Variants in P2RX7 observed in about 807,000 individuals in gnomAD.
P2RX7 encodes the protein purinergic receptor P2X 7, also known as P2X purinoceptor 7.
In P2RX7, 62 loss-of-function variants were observed where a neutral mutation model predicts 71.6. The ratio of observed to expected loss-of-function variants is 0.87; its 90% CI spans 0.71 to 1.07. The LOEUF is 1.07. P2RX7 is among the 50% of genes least tolerant of loss of function. The pLI is 0.00. For synonymous variants in P2RX7, 299 were observed against 283.3 expected (o/e 1.06, Z -0.56); for missense variants, 686 against 748.5 (o/e 0.92, Z 0.97).
intron 5 of P2RX7, among the ~76,000 whole-genome samples, chr12:121,164,500 G>C (rs747291518): frequency 7.9e-5 from 12 of 152,314 alleles, no homozygotes; most frequent in Non-Finnish European, 1.6e-4. Flanking sequence ...GAACTACCTA[G>C]CCAGGTGCGG....
chr12:121,163,855 C>T (rs779675600), intron 5 of P2RX7, among the ~76,000 whole-genome samples: 7 of 152,190 alleles, frequency 4.6e-5, no homozygotes, highest in Non-Finnish European at 1.0e-4. Flanking sequence ...CAGGATCATT[C>T]CCTCAGCATC....
intron 11 of P2RX7, among the ~76,000 whole-genome samples, 164 bp from the exon 12 acceptor site, chr12:121,180,190 T>C (rs1057081824): frequency 1.3e-5 from 2 of 152,036 alleles, no homozygotes; most frequent in African/African-American, 4.8e-5. Flanking sequence ...ATTTCTGATT[T>C]ATCTTTAGAC....
At chr12:121,172,894 G>A (rs909060006) in intron 8 of P2RX7, among the ~76,000 whole-genome samples, 18 of 152,030 alleles carry the variant, frequency 1.2e-4, no homozygotes, top group Admixed American at 9.2e-4. Flanking sequence ...GTAACTAGAC[G>A]GTGAATTAAT....
intron 1 of P2RX7, among the ~76,000 whole-genome samples, chr12:121,153,614 G>A (rs1261452034): frequency 1.3e-5 from 2 of 152,060 alleles, no homozygotes; most frequent in African/African-American, 4.8e-5. Flanking sequence ...GCAGGCAGAA[G>A]TTGCAGTGAG....
At chr12:121,174,742 G>T (rs1882792218) in intron 8 of P2RX7, among the ~76,000 whole-genome samples, 1 of 146,858 alleles carries the variant, frequency 6.8e-6, no homozygotes, top group South Asian at 2.2e-4. Context: ...ATTGCTTGAA[G>T]TTTTTTTTTT....
chr12:121,154,649 G>A lies in P2RX7; in HGVS notation c.126-136G>A. On this transcript the variant is annotated intron_variant, in intron 1 of 12. Coordinates refer to ENST00000328963, the MANE Select transcript of P2RX7 (RefSeq NM_002562.6). The surrounding 1 kb of genome is among the most constrained non-coding windows in gnomAD (Gnocchi z 4.2). ...GACTATTCTTCCCATTATCCAGAGA[G>A]GGAAAACAAGTCACACGGAAGCAAG... is the stretch of plus-strand genomic sequence containing the variant. 1 of 705,660 alleles carries A rather than the reference G, an allele frequency of 1.4e-6. No individual in the cohort carries two copies. Among genetic ancestry groups the A allele is most frequent in the South Asian group, 1.6e-5 (1 of 62,926 alleles). 43.7% of individuals were successfully genotyped at this position (705,660 alleles called of 1,614,324 possible).
At chr12:121,174,300 G>A (rs938493406) in intron 8 of P2RX7, among the ~76,000 whole-genome samples, 1 of 151,672 alleles carries the variant, frequency 6.6e-6, no homozygotes, top group South Asian at 2.1e-4. Flanking sequence ...CACCCGCCTC[G>A]GCCTCCCAAA....
chr12:121,136,024 A>AAAAAAAAAATC (rs1555222075), intron 1 of P2RX7, among the ~76,000 whole-genome samples: 1 of 11,668 alleles, frequency 8.6e-5, no homozygotes, highest in East Asian at 2.4e-3. Flanking sequence ...AAAAAAAAAA[A>AAAAAAAAAATC]TATATATATA....
chr12:121,158,409 C>T (rs895919469), intron 3 of P2RX7, among the ~76,000 whole-genome samples: 1 of 152,112 alleles, frequency 6.6e-6, no homozygotes, highest in African/African-American at 2.4e-5. Flanking sequence ...TCTGGGAACC[C>T]CTAAGAGTTA....
intron 12 of P2RX7, among the ~76,000 whole-genome samples, chr12:121,183,213 A>G (rs886682214): frequency 1.3e-5 from 2 of 150,770 alleles, no homozygotes; most frequent in African/African-American, 4.9e-5. Context: ...TCCTTATTCT[A>G]TATACTTTTT....
intron 1 of P2RX7, among the ~76,000 whole-genome samples, chr12:121,135,496 T>G (rs1028553726): frequency 6.6e-6 from 1 of 152,078 alleles, no homozygotes; most frequent in African/African-American, 2.4e-5. Context: ...TCAAAAATCC[T>G]TCACCTCTTT....
intron 3 of P2RX7, among the ~76,000 whole-genome samples, chr12:121,159,709 C>T (rs1210968891): frequency 6.6e-6 from 1 of 152,196 alleles, no homozygotes; most frequent in Non-Finnish European, 1.5e-5. Flanking sequence ...ACCAGGGCAG[C>T]TCATTTCTCT....
At chr12:121,159,455 C>T (rs960647953) in intron 3 of P2RX7, among the ~76,000 whole-genome samples, 5 of 150,748 alleles carry the variant, frequency 3.3e-5, no homozygotes, top group African/African-American at 1.2e-4. Context: ...AATCTGTTCA[C>T]CCTGCTTTTA....
intron 1 of P2RX7, among the ~76,000 whole-genome samples, chr12:121,153,952 C>T (rs113199009): frequency 2.6e-5 from 4 of 151,912 alleles, no homozygotes; most frequent in Non-Finnish European, 1.5e-5. Context: ...AGACCCCCGT[C>T]TCTATAAAAA....
At position 121,161,770 on chromosome 12, in the gene P2RX7, T is replaced by C. The variant is rs938117579; in HGVS notation, c.437-654T>C. 3.1e-5 allele frequency among the ~76,000 whole-genome samples: 4 copies of C among 128,138 alleles called. No individual in the cohort carries two copies. In the Admixed American group the frequency reaches 3.5e-4, roughly 11 times the overall value. 84.1% of individuals were successfully genotyped at this position (128,138 alleles called of 152,430 possible). A position where few individuals can be genotyped will look rare whatever the true frequency, so the allele number is the denominator to read the frequency against. On this transcript the variant is annotated intron_variant, in intron 4 of 12. Transcript: ENST00000328963. The stretch of plus-strand genomic sequence containing the variant: ...TCATGCCACTGCACTCCAGCATGGG[T>C]GACAGAGCGAGACCCCTTTAAAAAA...
At chr12:121,139,003 A>T (rs1253098927) in intron 1 of P2RX7, among the ~76,000 whole-genome samples, 1 of 152,096 alleles carries the variant, frequency 6.6e-6, no homozygotes, top group African/African-American at 2.4e-5. Flanking sequence ...GTGCAGTGGT[A>T]TGATCTTGGC....
Position 121,184,622 on chromosome 12 carries a change from G to A in P2RX7, c.1608G>A (p.Leu536=), listed in dbSNP as rs1483369624. The change falls in exon 13 of 13, where the codon CTG becomes CTA. Residue 536 remains leucine, a synonymous_variant. Transcript: ENST00000328963. ...TCTACCAGGAGCCCTTGCTGGCGCT[G>A]GATGTGGATTCCACCAACAGCCGGC... is the stretch of plus-strand genomic sequence containing the variant. The part of the protein sequence containing the change: ...LLLYQEPLLA[L]DVDSTNSRLR... The A allele has an allele frequency of 2.5e-6, 4 of 1,611,560 alleles. No individual in the cohort carries two copies. In the East Asian group the frequency reaches 8.9e-5, roughly 36 times the overall value.
Position 121,134,655 on chromosome 12 carries a change from G to T in P2RX7, c.125+1560G>T, listed in dbSNP as rs561360627. Among the ~76,000 whole-genome samples the T allele has an allele frequency of 7.9e-4, 121 of 152,308 alleles. 1 individual carries two copies. Among genetic ancestry groups the T allele is most frequent in the African/African-American group, 2.7e-3 (111 of 41,570 alleles). ...GATCCGCCCACCTTGGCCTCCCAAA[G>T]TGCTGGGATTACAGGCATGAGCCGC... On this transcript the variant is annotated intron_variant, in intron 1 of 12. Coordinates refer to ENST00000328963, the MANE Select transcript of P2RX7 (RefSeq NM_002562.6).
rs1044419048 is a variant in P2RX7 at position 121,149,511 on chromosome 12, T to C, written c.126-5274T>C. ...TGACAACCAAGCAAAAGAAGAAACC[T>C]CTTATAAAACCATCAGATCCCATGA... On this transcript the variant is annotated intron_variant, in intron 1 of 12. Coordinates refer to ENST00000328963, the MANE Select transcript of P2RX7 (RefSeq NM_002562.6). This position sits in a 1 kb window ranked among gnomAD's most constrained non-coding sequence, Gnocchi z 4.7. Among the ~76,000 whole-genome samples the C allele has an allele frequency of 6.6e-6, 1 of 152,028 alleles. No individual in the cohort carries two copies. The highest frequency in any genetic ancestry group is 2.4e-5 in the African/African-American group (1 of 41,388).
Sources: gnomAD v4.1 joint callset for allele counts (sites outside exome capture counted in the v4.1 genomes callset) on GRCh38, gnomAD v4.1.1 for gene constraint, Gnocchi (gnomAD v3.1) non-coding constraint, MANE v1.5 for transcripts, NCBI Gene and HGNC (gene_info 2026-07-23, HGNC 2026-07-21) for gene names.